Variants in CSMD1 observed in about 807,000 individuals in gnomAD.
CSMD1 encodes the protein CUB and sushi domain-containing protein 1.
A neutral mutation model predicts 417.5 loss-of-function variants in CSMD1; 213 were observed. The observed-to-expected ratio is 0.51, with a 90% CI of 0.46 to 0.57. CSMD1 has a LOEUF of 0.57. Ranked by LOEUF, CSMD1 falls within the 20% of genes least tolerant of loss-of-function variation. The pLI is 0.00. For synonymous variants in CSMD1, 2,862 were observed against 1,736.8 expected, an observed-to-expected ratio of 1.65 and a Z score of -16.11; for missense variants, 6,923 against 4,529.7, an observed-to-expected ratio of 1.53 and a Z score of -15.17.
chr8:3,633,582 T>G (rs1010482997), intron 7 of CSMD1, among the ~76,000 whole-genome samples: 2 of 152,236 alleles, frequency 1.3e-5, no homozygotes, highest in African/African-American at 4.8e-5. Context: ...TTTAGCTACT[T>G]AAATTTTCAT....
intron 6 of CSMD1, among the ~76,000 whole-genome samples, chr8:3,728,344 G>C (rs1195610201): frequency 6.6e-6 from 1 of 152,088 alleles, no homozygotes; most frequent in Non-Finnish European, 1.5e-5. Flanking sequence ...CGTGGAACTG[G>C]GAGTCCATTA....
chr8:4,091,895 A>C (rs755684658), intron 3 of CSMD1, among the ~76,000 whole-genome samples: 3 of 152,238 alleles, frequency 2.0e-5, no homozygotes, highest in Non-Finnish European at 4.4e-5. Flanking sequence ...AGAACCGTAC[A>C]GAGTTTTAAA....
intron 2 of CSMD1, among the ~76,000 whole-genome samples, chr8:4,630,304 A>ACT (rs1491032370): frequency 2.0e-5 from 3 of 146,436 alleles, no homozygotes; most frequent in African/African-American, 7.8e-5. Context: ...ACACACACAC[A>ACT]CTCTCACAGT....
chr8:3,764,735 CTTTCT>C (rs773864706), intron 5 of CSMD1, among the ~76,000 whole-genome samples: 2 of 105,406 alleles, frequency 1.9e-5, no homozygotes, highest in Middle Eastern at 4.9e-3. Context: ...GCCCTTTTCT[CTTTCT>C]TTTTTTTTTT....
At chr8:4,492,476 C>G (rs957302228) in intron 2 of CSMD1, among the ~76,000 whole-genome samples, 2 of 152,080 alleles carry the variant, frequency 1.3e-5, no homozygotes, top group Non-Finnish European at 2.9e-5. Context: ...GCTTAGATTC[C>G]TCAGTATATA....
intron 23 of CSMD1, among the ~76,000 whole-genome samples, chr8:3,334,749 T>G (rs937522178): frequency 6.6e-6 from 1 of 152,222 alleles, no homozygotes; most frequent in Non-Finnish European, 1.5e-5. Context: ...TTCTTTTTTA[T>G]TTCACATTGA....
chr8:4,148,928 C>G (rs1322065979), intron 3 of CSMD1, among the ~76,000 whole-genome samples: 1 of 151,970 alleles, frequency 6.6e-6, no homozygotes, highest in African/African-American at 2.4e-5. Flanking sequence ...ACTTTTCAGA[C>G]TACCTAACTT....
chr8:3,499,994 G>C (rs1796529236), intron 10 of CSMD1, among the ~76,000 whole-genome samples: 1 of 152,060 alleles, frequency 6.6e-6, no homozygotes, highest in Non-Finnish European at 1.5e-5. Context: ...GGGCCTATGA[G>C]GCCTGTGGGG....
chr8:3,253,575 G>C (rs973552780), intron 26 of CSMD1, among the ~76,000 whole-genome samples: 3 of 152,120 alleles, frequency 2.0e-5, no homozygotes, highest in African/African-American at 7.2e-5. Context: ...TTCAATTCCT[G>C]GATATCCTTT....
At chr8:4,491,850 C>T (rs1170210266) in intron 2 of CSMD1, among the ~76,000 whole-genome samples, 1 of 152,114 alleles carries the variant, frequency 6.6e-6, no homozygotes, top group African/African-American at 2.4e-5. Context: ...ACTGTACGAT[C>T]CAGCAACTGT....
chr8:3,026,812 T>C (rs1466898303), intron 51 of CSMD1, among the ~76,000 whole-genome samples: 2 of 152,184 alleles, frequency 1.3e-5, no homozygotes, highest in East Asian at 1.9e-4. Context: ...ATTTTAAAAA[T>C]AAAAATTTTA....
chr8:4,656,031 G>A lies in CSMD1; in HGVS notation c.86-18473C>T, dbSNP rs890791543. Among the ~76,000 whole-genome samples, 9 of 152,106 alleles carry A rather than the reference G, an allele frequency of 5.9e-5. 1 individual carries two copies. Among genetic ancestry groups the A allele is most frequent in the African/African-American group, 2.2e-4 (9 of 41,358 alleles). On this transcript the variant is annotated intron_variant, in intron 1 of 69. Transcript: ENST00000635120. ...ATACATAAACTGCATGCTCTGTTGG[G>A]AGATGAGTAGTGTTATGGAAGAGAA...
At chr8:3,201,110 G>C (rs1387658982) in intron 32 of CSMD1, among the ~76,000 whole-genome samples, 2 of 152,186 alleles carry the variant, frequency 1.3e-5, no homozygotes, top group Non-Finnish European at 2.9e-5. Flanking sequence ...AATAAGTTGT[G>C]AAATAACATT....
chr8:4,097,255 A>G (rs976540196), intron 3 of CSMD1, among the ~76,000 whole-genome samples: 1 of 152,182 alleles, frequency 6.6e-6, no homozygotes, highest in Non-Finnish European at 1.5e-5. Context: ...AGAACTGGAA[A>G]TCAGAAAACT....
intron 3 of CSMD1, among the ~76,000 whole-genome samples, chr8:4,050,698 C>T (rs912974102): frequency 1.6e-4 from 25 of 151,990 alleles, no homozygotes; most frequent in African/African-American, 6.0e-4. Context: ...TCCATCCAAG[C>T]CCCAACCTCA....
intron 5 of CSMD1, among the ~76,000 whole-genome samples, chr8:3,957,623 G>C (rs185681752): frequency 1.3e-5 from 2 of 152,092 alleles, no homozygotes; most frequent in African/African-American, 4.8e-5. Flanking sequence ...GTTCGGGGTT[G>C]CAGTGAACTA....
intron 5 of CSMD1, among the ~76,000 whole-genome samples, chr8:3,759,257 G>T (rs931803217): frequency 1.4e-4 from 22 of 152,172 alleles, no homozygotes; most frequent in South Asian, 4.2e-4. Flanking sequence ...GGCTTAAAAA[G>T]ACCAAAACAG....
intron 3 of CSMD1, among the ~76,000 whole-genome samples, chr8:4,323,172 A>G (rs1418404820): frequency 6.6e-6 from 1 of 152,200 alleles, no homozygotes; most frequent in Non-Finnish European, 1.5e-5. Context: ...CTTTGGTTAT[A>G]CAATTCTAAT....
chr8:4,102,769 G>T (rs1156603073), intron 3 of CSMD1, among the ~76,000 whole-genome samples: 1 of 152,074 alleles, frequency 6.6e-6, no homozygotes, highest in East Asian at 1.9e-4. Flanking sequence ...ATTAGTCCAG[G>T]ACAACAAAAG....
Sources: allele counts gnomAD v4.1 joint callset (sites outside exome capture counted in the v4.1 genomes callset), GRCh38; gene constraint gnomAD v4.1.1; transcripts MANE v1.5; gene names NCBI Gene and HGNC (gene_info 2026-07-23, HGNC 2026-07-21).